Variants in BLTP3A observed in about 807,000 individuals in gnomAD.
BLTP3A encodes the protein bridge-like lipid transfer protein family member 3A.
the BLTP3A span, among the ~76,000 whole-genome samples, chr6:34,854,534 A>G: frequency 6.6e-6 from 1 of 152,230 alleles, no homozygotes; most frequent in Admixed American, 6.5e-5. Flanking sequence ...TAAAGCACAT[A>G]TATACATATA....
chr6:34,812,139 G>A, the BLTP3A span, among the ~76,000 whole-genome samples: 1 of 152,014 alleles, frequency 6.6e-6, no homozygotes, highest in South Asian at 2.1e-4. Flanking sequence ...GACCAGCCTG[G>A]CCAACATGGT....
chr6:34,822,852 G>GA, the BLTP3A span, among the ~76,000 whole-genome samples: 314 of 136,726 alleles, frequency 2.3e-3, no homozygotes, highest in African/African-American at 3.0e-3. Context: ...TCTGTTTCGG[G>GA]AAAAAAAAAA....
chr6:34,862,833 C>CAAA, the BLTP3A span, among the ~76,000 whole-genome samples: 1 of 105,586 alleles, frequency 9.5e-6, no homozygotes, highest in African/African-American at 3.2e-5. Context: ...GACTCCATCT[C>CAAA]AAAAAAAAAA....
At chr6:34,808,346 C>CAAAAAAAAAAAAA in the BLTP3A span, among the ~76,000 whole-genome samples, 7 of 26,704 alleles carry the variant, frequency 2.6e-4, no homozygotes, top group African/African-American at 4.5e-4. Context: ...AACTCCGTCT[C>CAAAAAAAAAAAAA]AAAAAAAAAA....
At chr6:34,806,000 C>A in the BLTP3A span, among the ~76,000 whole-genome samples, 1 of 151,858 alleles carries the variant, frequency 6.6e-6, no homozygotes, top group Admixed American at 6.6e-5. Flanking sequence ...TCTACCTCAA[C>A]CTCACAAAGA....
the BLTP3A span, chr6:34,857,951 G>C: frequency 9.9e-5 from 158 of 1,599,706 alleles, no homozygotes; most frequent in African/African-American, 2.0e-3. Context: ...TCCCCTGTTA[G>C]TAGCCACAGC....
At chr6:34,813,377 C>T in the BLTP3A span, among the ~76,000 whole-genome samples, 4 of 152,162 alleles carry the variant, frequency 2.6e-5, no homozygotes, top group Non-Finnish European at 4.4e-5. Flanking sequence ...TGAAATTCTG[C>T]GAATTTGCAA....
At chr6:34,857,030 C>T in the BLTP3A span, 539 of 1,416,122 alleles carry the variant, frequency 3.8e-4, 4 homozygotes, top group African/African-American at 6.7e-3. Context: ...GGACTATTTA[C>T]CTCACTTCTG....
At chr6:34,800,796 C>T in the BLTP3A span, among the ~76,000 whole-genome samples, 5 of 146,120 alleles carry the variant, frequency 3.4e-5, no homozygotes, top group African/African-American at 7.6e-5. Context: ...GGTGTGATCT[C>T]GGCTCACTGC....
At chr6:34,817,867 T>C in the BLTP3A span, among the ~76,000 whole-genome samples, 1 of 148,750 alleles carries the variant, frequency 6.7e-6, no homozygotes, top group African/African-American at 2.6e-5. Flanking sequence ...TTTTTTTTTT[T>C]TGGGGGGGTG....
the BLTP3A span, among the ~76,000 whole-genome samples, chr6:34,847,386 G>GTTC: frequency 6.6e-6 from 1 of 152,080 alleles, no homozygotes; most frequent in Non-Finnish European, 1.5e-5. Flanking sequence ...ATAGGTATTA[G>GTTC]TTCTTCTTTA....
At chr6:34,856,839 G>C in the BLTP3A span, 2 of 1,614,122 alleles carry the variant, frequency 1.2e-6, no homozygotes, top group Non-Finnish European at 1.7e-6. Context: ...GCCCCTCTCA[G>C]GGCAGACAGC....
At chr6:34,795,106 A>G in the BLTP3A span, among the ~76,000 whole-genome samples, 2 of 147,554 alleles carry the variant, frequency 1.4e-5, no homozygotes, top group African/African-American at 2.5e-5. Flanking sequence ...TTTTTTAGAG[A>G]CGGAATCTTG....
the BLTP3A span, chr6:34,821,833 A>C: frequency 1.2e-5 from 20 of 1,613,948 alleles, no homozygotes; most frequent in Non-Finnish European, 1.7e-5. Context: ...TGAGGGTCAG[A>C]ATGCTGCTGT....
chr6:34,821,723 C>G, the BLTP3A span: 5 of 1,614,032 alleles, frequency 3.1e-6, no homozygotes, highest in African/African-American at 5.3e-5. Flanking sequence ...GCTGACCAAC[C>G]TGGAGCTGGA....
the BLTP3A span, among the ~76,000 whole-genome samples, chr6:34,822,504 G>T: frequency 1.8e-3 from 268 of 152,296 alleles, 1 homozygote; most frequent in African/African-American, 6.0e-3. Flanking sequence ...CTTCGAAAGT[G>T]CTGGGGTTAC....
the BLTP3A span, among the ~76,000 whole-genome samples, chr6:34,838,587 C>T: frequency 6.6e-6 from 1 of 152,318 alleles, no homozygotes; most frequent in African/African-American, 2.4e-5. Context: ...TACCTTATAT[C>T]CAGACCTCTA....
the BLTP3A span, chr6:34,855,664 C>G: frequency 6.2e-7 from 1 of 1,613,776 alleles, no homozygotes; most frequent in Non-Finnish European, 8.5e-7. Flanking sequence ...GCTTACCTTC[C>G]GCAAGATGGC....
chr6:34,796,174 G>T, the BLTP3A span, among the ~76,000 whole-genome samples: 1 of 152,178 alleles, frequency 6.6e-6, no homozygotes, highest in African/African-American at 2.4e-5. Flanking sequence ...TGCTGATGAT[G>T]CCATTTGACC....
Sources: gnomAD v4.1 joint callset for allele counts (sites outside exome capture counted in the v4.1 genomes callset) on GRCh38, gnomAD v4.1.1 for gene constraint, MANE v1.5 for transcripts, NCBI Gene and HGNC (gene_info 2026-07-23, HGNC 2026-07-21) for gene names.